Variants in C7 observed in about 807,000 individuals in gnomAD.
C7 encodes complement C7.
A neutral mutation model predicts 104.8 loss-of-function variants in C7; 83 were observed. The ratio of observed to expected loss-of-function variants is 0.79; its 90% confidence interval spans 0.66 to 0.95. C7 has a LOEUF of 0.95. Ranked by LOEUF, C7 falls within the 40% of genes least tolerant of loss-of-function variation. The pLI is 0.00. For missense variants in C7, 1,070 were observed against 1,011.2 expected (o/e 1.06, Z -0.79); for synonymous variants, 415 against 360.6 (o/e 1.15, Z -1.71).
intron 15 of C7, among the ~76,000 whole-genome samples, chr5:40,976,051 C>G (rs937370513): frequency 6.6e-6 from 1 of 152,180 alleles, no homozygotes; most frequent in Non-Finnish European, 1.5e-5. Context: ...CGGTGTTTAC[C>G]TGTCAAAACT....
At chr5:40,973,670 A>T (rs1740749326) in intron 15 of C7, among the ~76,000 whole-genome samples, 1 of 152,246 alleles carries the variant, frequency 6.6e-6, no homozygotes, top group South Asian at 2.1e-4. Flanking sequence ...TGTGTTCTGT[A>T]AACACTGAAG....
In C7 at chr5:40,955,398, A is replaced by C; in HGVS notation, c.1105A>C (p.Asn369His). ...TTTCTTCTGTATAGGAACCCAGAAC[A>C]ATGTATTGCGAGGAGAACCGTTCAT... ...ALKAASGTQNNVLRGEPFIRG... is the reference protein window; with the variant it reads ...ALKAASGTQNHVLRGEPFIRG... Residue 369 changes from asparagine to histidine, a missense_variant, in exon 10 of 18, where the codon AAT becomes CAT. Coordinates refer to ENST00000313164, the MANE Select transcript of C7 (RefSeq NM_000587.4). 6.2e-7 allele frequency: 1 copy of C among 1,607,430 alleles called. No homozygotes were observed. Among genetic ancestry groups the C allele is most frequent in the African/African-American group, 1.3e-5 (1 of 74,712 alleles).
At position 40,983,280 on chromosome 5, in the gene C7, C is replaced by T. The variant is rs1443634537; in HGVS notation, c.*1707C>T. Among the ~76,000 whole-genome samples the T allele has an allele frequency of 2.0e-5, 3 of 152,178 alleles. No individual in the cohort carries two copies. The highest frequency in any genetic ancestry group is 4.4e-5 in the Non-Finnish European group (3 of 68,044). On this transcript the variant is annotated 3_prime_UTR_variant, in exon 18 of 18. Coordinates refer to ENST00000313164, the MANE Select transcript of C7 (RefSeq NM_000587.4). The stretch of plus-strand genomic sequence containing the variant: ...CATTTGGAAGGAAATACCTCAGTAT[C>T]CTTCCAATAATTTCTCCTCTTAGCT...
intron 16 of C7, 77 bp from the exon 17 acceptor site, chr5:40,979,648 G>C (rs990802575): frequency 2.4e-6 from 3 of 1,227,334 alleles, no homozygotes; most frequent in African/African-American, 1.5e-5. Flanking sequence ...TAAGCTCAGA[G>C]CATCACTTTT....
chr5:40,975,594 C>T (rs1349221826), intron 15 of C7, among the ~76,000 whole-genome samples: 2 of 152,108 alleles, frequency 1.3e-5, no homozygotes, highest in Non-Finnish European at 2.9e-5. Flanking sequence ...GAACTCCTGA[C>T]CTCAAGTGAT....
intron 9 of C7, 37 bp downstream of exon 9, chr5:40,950,051 A>T: frequency 8.0e-7 from 1 of 1,256,254 alleles, no homozygotes. Flanking sequence ...TGCAAGCTTA[A>T]CTTCTTTTTT....
At chr5:40,937,162 G>C (rs998862030) in intron 5 of C7, 1 of 154,852 alleles carries the variant, frequency 6.5e-6, no homozygotes, top group African/African-American at 2.4e-5. Context: ...TATGCTAAGA[G>C]GCAATTAGTT....
chr5:40,978,815 AT>A (rs1296286716), intron 16 of C7, among the ~76,000 whole-genome samples: 4 of 138,998 alleles, frequency 2.9e-5, no homozygotes, highest in Non-Finnish European at 6.2e-5. Context: ...CTAAATAGCT[AT>A]TTTTTTCCAC....
chr5:40,970,359 G>A (rs972469325), intron 14 of C7, among the ~76,000 whole-genome samples: 2 of 152,118 alleles, frequency 1.3e-5, no homozygotes, highest in Non-Finnish European at 2.9e-5. Flanking sequence ...CTGACTTGCT[G>A]TTTATACTAT....
At chr5:40,929,946 G>C (rs1579844246) in intron 2 of C7, among the ~76,000 whole-genome samples, 1 of 151,924 alleles carries the variant, frequency 6.6e-6, no homozygotes, top group Non-Finnish European at 1.5e-5. Context: ...AGTGTTTCTG[G>C]ATAACTTTTC....
At chr5:40,943,549 G>A (rs1015280984) in intron 6 of C7, among the ~76,000 whole-genome samples, 5 of 150,122 alleles carry the variant, frequency 3.3e-5, no homozygotes, top group Admixed American at 1.3e-4. Flanking sequence ...AAAGACAGGC[G>A]GAAATAGGCT....
At chr5:40,949,182 A>T (rs1309457380) in intron 8 of C7, among the ~76,000 whole-genome samples, 2 of 152,128 alleles carry the variant, frequency 1.3e-5, no homozygotes, top group Non-Finnish European at 2.9e-5. Flanking sequence ...ACTCTTGAGC[A>T]GTTTATGTTT....
intron 1 of C7, among the ~76,000 whole-genome samples, chr5:40,926,620 G>A (rs1394416407): frequency 6.6e-6 from 1 of 152,072 alleles, no homozygotes; most frequent in Non-Finnish European, 1.5e-5. Flanking sequence ...AACTAACAAT[G>A]AACTATGTGA....
At chr5:40,923,235 A>G (rs1739479077) in intron 1 of C7, among the ~76,000 whole-genome samples, 2 of 152,220 alleles carry the variant, frequency 1.3e-5, no homozygotes, top group Admixed American at 1.3e-4. Flanking sequence ...GCTCAATATC[A>G]CTAATTGTAT....
intron 1 of C7, among the ~76,000 whole-genome samples, chr5:40,909,974 A>ATT (rs1259880340): frequency 0.05 from 6,247 of 124,520 alleles, 199 homozygotes; most frequent in Non-Finnish European, 0.075. Flanking sequence ...CCTCTGGTGT[A>ATT]TTTTTTTTTT....
At chr5:40,979,022 G>T (rs6451554) in intron 16 of C7, among the ~76,000 whole-genome samples, 1 of 151,276 alleles carries the variant, frequency 6.6e-6, no homozygotes, top group Non-Finnish European at 1.5e-5. Context: ...TGGGATTACA[G>T]GTGTGCGCCA....
At chr5:40,972,631 C>T in intron 15 of C7, 37 bp downstream of exon 15, 2 of 1,527,924 alleles carry the variant, frequency 1.3e-6, no homozygotes, top group Non-Finnish European at 1.8e-6. Context: ...GACACTTGTA[C>T]CCAGGCAAGT....
intron 2 of C7, among the ~76,000 whole-genome samples, chr5:40,928,935 A>G (rs1739614821): frequency 6.6e-6 from 1 of 152,204 alleles, no homozygotes; most frequent in South Asian, 2.1e-4. Flanking sequence ...GTGGACTTAT[A>G]TATCTTAGAG....
chr5:40,977,361 C>A (rs1245633267), intron 16 of C7, among the ~76,000 whole-genome samples: 1 of 152,034 alleles, frequency 6.6e-6, no homozygotes, highest in Non-Finnish European at 1.5e-5. Context: ...ATAGAGATGG[C>A]ACAATTAAAT....
Sources: gnomAD v4.1 joint callset for allele counts (sites outside exome capture counted in the v4.1 genomes callset) on GRCh38, gnomAD v4.1.1 for gene constraint, MANE v1.5 for transcripts, NCBI Gene and HGNC (gene_info 2026-07-23, HGNC 2026-07-21) for gene names.